RFLNA: variants seen among roughly 807,000 people sequenced by gnomAD.
RFLNA encodes refilin-A.
A neutral mutation model predicts 7.8 loss-of-function variants in RFLNA; 5 were observed. The ratio of observed to expected loss-of-function variants is 0.64; its 90% CI spans 0.34 to 1.35. RFLNA has a LOEUF of 1.35. RFLNA is among the 40% of genes most tolerant of loss of function. The pLI is 0.04. For synonymous variants in RFLNA, 141 were observed against 131.3 expected (o/e 1.07, Z -0.50); for missense variants, 278 against 305.5 (o/e 0.91, Z 0.67).
At position 124,314,561 on chromosome 12, in the gene RFLNA, G is replaced by A. The variant is rs986045206; in HGVS notation, c.*36G>A. The A allele has an allele frequency of 1.0e-5, 16 of 1,534,034 alleles. No individual in the cohort carries two copies. The highest frequency in any genetic ancestry group is 1.7e-4 in the Middle Eastern group (1 of 5,930). On this transcript the variant is annotated 3_prime_UTR_variant, in exon 3 of 3. Coordinates refer to ENST00000546355, the MANE Select transcript of RFLNA (RefSeq NM_001365156.1). The stretch of plus-strand genomic sequence containing the variant: ...GCCGGCCCGGGGTGCTGGAGGAGCC[G>A]GGAGCCCTGGGGAGAAGCCGGGAGG...
At chr12:124,307,465 T>G (rs1490489336) in intron 1 of RFLNA, among the ~76,000 whole-genome samples, 1 of 152,200 alleles carries the variant, frequency 6.6e-6, no homozygotes, top group Non-Finnish European at 1.5e-5. Flanking sequence ...GCGCCCCTGG[T>G]GTGATGGGGC....
intron 1 of RFLNA, among the ~76,000 whole-genome samples, chr12:124,308,228 C>T (rs1245778932): frequency 6.6e-6 from 1 of 152,176 alleles, no homozygotes; most frequent in African/African-American, 2.4e-5. Context: ...GTGATCCACC[C>T]ACCTCGGCCT....
intron 1 of RFLNA, among the ~76,000 whole-genome samples, chr12:124,300,777 CGG>C (rs2034019512): frequency 2.9e-5 from 2 of 69,960 alleles, no homozygotes; most frequent in African/African-American, 9.9e-5. Context: ...GATGGATTGA[CGG>C]ATGGATGGAT....
chr12:124,293,452 T>C (rs375825248), upstream of RFLNA, among the ~76,000 whole-genome samples: 103 of 152,196 alleles, frequency 6.8e-4, no homozygotes, highest in African/African-American at 2.5e-3. Flanking sequence ...GTGTCTGTGT[T>C]CCAGAAAGAA....
At chr12:124,297,072 G>A (rs113588317) in intron 1 of RFLNA, among the ~76,000 whole-genome samples, 6 of 152,120 alleles carry the variant, frequency 3.9e-5, no homozygotes, top group Non-Finnish European at 1.5e-5. Context: ...TGGCACTGTC[G>A]CCCATTTGAG....
upstream of RFLNA, among the ~76,000 whole-genome samples, chr12:124,290,419 CAT>C (rs1480789286): frequency 1.4e-4 from 21 of 151,826 alleles, no homozygotes; most frequent in African/African-American, 4.4e-4. The surrounding 1 kb of genome is among the most constrained non-coding windows in gnomAD (Gnocchi z 4.0). Flanking sequence ...TATGTAGGTA[CAT>C]GTGTGTATGT....
chr12:124,302,936 G>C (rs1380346770), intron 1 of RFLNA, among the ~76,000 whole-genome samples: 2 of 152,176 alleles, frequency 1.3e-5, no homozygotes, highest in Middle Eastern at 6.8e-3. Context: ...CCCGCGGCCC[G>C]TGTGGGGCTC....
upstream of RFLNA, among the ~76,000 whole-genome samples, chr12:124,290,190 C>A (rs2033797164): frequency 6.6e-6 from 1 of 152,140 alleles, no homozygotes; most frequent in East Asian, 1.9e-4. This position sits in a 1 kb window ranked among gnomAD's most constrained non-coding sequence, Gnocchi z 4.0. Flanking sequence ...GTCTTTTCTT[C>A]TTCTCAAAAG....
chr12:124,307,881 T>C (rs1410567798), intron 1 of RFLNA, among the ~76,000 whole-genome samples: 1 of 152,128 alleles, frequency 6.6e-6, no homozygotes, highest in African/African-American at 2.4e-5. Context: ...GGGAGGCTCC[T>C]TCCTGCCTCT....
Position 124,301,636 on chromosome 12 carries a change from G to A in RFLNA, c.207+6000G>A, listed in dbSNP as rs117279674. Among the ~76,000 whole-genome samples, 245 of 152,216 alleles carry A rather than the reference G, an allele frequency of 1.6e-3. 2 individuals are homozygous for A. The highest frequency in any genetic ancestry group is 2.6e-3 in the Non-Finnish European group (176 of 68,000). ...CTTTATAAGGGCAGGGTCTGGGTTC[G>A]CCATTTTTTTGTGTACAGAGATGGG... On this transcript the variant is annotated intron_variant, in intron 1 of 2. Transcript: ENST00000546355.
At chr12:124,298,885 G>A (rs1381519898) in intron 1 of RFLNA, among the ~76,000 whole-genome samples, 1 of 152,260 alleles carries the variant, frequency 6.6e-6, no homozygotes, top group Non-Finnish European at 1.5e-5. Context: ...GCACAAGCAA[G>A]CTAGGCATGG....
At chr12:124,290,853 C>T (rs1476966905), upstream of RFLNA, among the ~76,000 whole-genome samples, 3 of 152,178 alleles carry the variant, frequency 2.0e-5, no homozygotes, top group Admixed American at 1.3e-4. This position sits in a 1 kb window ranked among gnomAD's most constrained non-coding sequence, Gnocchi z 4.0. Context: ...CACTGAGGCA[C>T]AGAAAGGGCA....
chr12:124,300,939 G>A (rs962376802), intron 1 of RFLNA, among the ~76,000 whole-genome samples: 2 of 151,720 alleles, frequency 1.3e-5, no homozygotes, highest in South Asian at 4.2e-4. Flanking sequence ...TGGATGGATG[G>A]ATGGAAGGAT....
In RFLNA at chr12:124,314,396, T is replaced by C. The variant is rs771604000; in HGVS notation, c.522T>C (p.His174=). Residue 174 remains histidine (H), a synonymous_variant, in exon 3 of 3, where the codon CAT becomes CAC. Transcript: ENST00000546355. ...GCACCACCATCATCTTCCCCAAGCATGCCAGGAGCACTTTCCGGACCACCC... is the reference window on the plus strand; with the variant it reads ...GCACCACCATCATCTTCCCCAAGCACGCCAGGAGCACTTTCCGGACCACCC... ...FRSTTIIFPK[H]ARSTFRTTLH... 2 of 1,610,614 alleles carry C rather than the reference T, an allele frequency of 1.2e-6. No homozygotes were observed. Among genetic ancestry groups the C allele is most frequent in the Non-Finnish European group, 1.7e-6 (2 of 1,179,902 alleles).
rs976466566 is a variant in RFLNA, at chr12:124,311,839, C to T, written c.229C>T (p.Pro77Ser). The change falls in exon 2 of 3, where the codon CCC (proline) becomes TCC (serine). Residue 77 changes from proline to serine, a missense_variant. Coordinates refer to ENST00000546355, the MANE Select transcript of RFLNA (RefSeq NM_001365156.1). The stretch of plus-strand genomic sequence containing the variant: ...ACAGCCCCCCTCCCAACTCCCAAAT[C>T]CCCCGGCGTCGGAGATGAGGCCCCG... ...ARAPPSQLPN[P>S]PASEMRPRML... 5.6e-6 allele frequency: 9 copies of T among 1,595,624 alleles called. No individual in the cohort carries two copies. Among genetic ancestry groups the T allele is most frequent in the Non-Finnish European group, 7.7e-6 (9 of 1,171,946 alleles).
In RFLNA at chr12:124,303,428, C is replaced by G. The variant is rs191137697; in HGVS notation, c.207+7792C>G. 3.3e-3 allele frequency among the ~76,000 whole-genome samples: 498 copies of G among 152,352 alleles called. 4 individuals are homozygous for G. Among genetic ancestry groups the G allele is most frequent in the African/African-American group, 0.011 (473 of 41,596 alleles). On this transcript the variant is annotated intron_variant, in intron 1 of 2. Coordinates refer to ENST00000546355, the MANE Select transcript of RFLNA (RefSeq NM_001365156.1). ...ACCCTCCAGGGCCCGTCCTGCCCCC[C>G]ACACTGTCCTGCTGCCCAGAAGCCT...
upstream of RFLNA, among the ~76,000 whole-genome samples, chr12:124,291,457 A>G (rs1313841926): frequency 6.6e-6 from 1 of 152,062 alleles, no homozygotes; most frequent in Non-Finnish European, 1.5e-5. Context: ...GGGTTTCACC[A>G]TGTTGGTCAG....
chr12:124,307,959 C>T (rs555046510), intron 1 of RFLNA, among the ~76,000 whole-genome samples: 2 of 151,362 alleles, frequency 1.3e-5, no homozygotes, highest in Non-Finnish European at 1.5e-5. Flanking sequence ...GCCTCCACAT[C>T]GTCCCTGTGC....
chr12:124,300,043 G>A (rs1216163484), intron 1 of RFLNA, among the ~76,000 whole-genome samples: 2 of 152,248 alleles, frequency 1.3e-5, no homozygotes, highest in Admixed American at 6.5e-5. Flanking sequence ...GAGGCTGAAA[G>A]TGGCATTTGG....
Sources: gnomAD v4.1 joint callset for allele counts (sites outside exome capture counted in the v4.1 genomes callset) on GRCh38, gnomAD v4.1.1 for gene constraint, Gnocchi (gnomAD v3.1) non-coding constraint, MANE v1.5 for transcripts, NCBI Gene and HGNC (gene_info 2026-07-23, HGNC 2026-07-21) for gene names.